The following LCT variants were observed in gnomAD, a reference collection of about 807,000 sequenced individuals.
LCT encodes lactase/phlorizin hydrolase.
A neutral mutation model predicts 173.0 loss-of-function variants in LCT; 90 were observed. The ratio of observed to expected loss-of-function variants is 0.52; its 90% CI spans 0.44 to 0.62. LCT has a LOEUF of 0.62. Ranked by LOEUF, LCT falls within the 20% of genes least tolerant of loss-of-function variation. The pLI is 0.00. For missense variants in LCT, 1,864 were observed against 2,431.4 expected, an observed-to-expected ratio of 0.77 and a Z score of 4.91; for synonymous variants, 853 against 957.6, an observed-to-expected ratio of 0.89 and a Z score of 2.02.
intron 6 of LCT, 66 bp from the exon 7 acceptor site, chr2:135,813,022 T>G: frequency 7.1e-7 from 1 of 1,404,354 alleles, no homozygotes; most frequent in Non-Finnish European, 1.0e-6. Context: ...ACAGGACTAA[T>G]GAACCAATAA....
At chr2:135,796,778 T>C (rs914680526) in intron 13 of LCT, among the ~76,000 whole-genome samples, 1 of 152,110 alleles carries the variant, frequency 6.6e-6, no homozygotes, top group Non-Finnish European at 1.5e-5. Context: ...CCCCTGGCCC[T>C]GGCTCGGGCA....
Position 135,794,697 on chromosome 2 carries a change from A to G in LCT, c.5055T>C (p.Thr1685=), listed in dbSNP as rs1476518368. The G allele has an allele frequency of 3.1e-6, 5 of 1,614,152 alleles. No individual in the cohort carries two copies. The highest frequency in any genetic ancestry group is 1.1e-5 in the South Asian group (1 of 91,088). Residue 1685 remains threonine, a synonymous_variant, in exon 14 of 17, where the codon ACT becomes ACC. Transcript: ENST00000264162. ...CATAGTTGAGGTTGTAGGCGAGGAC[A>G]GTGGTGTAGTGATTGAACCCAAAAA... ...YDFFGFNHYT[T]VLAYNLNYAT... is the part of the protein sequence containing the mutation.
chr2:135,832,004 G>A (rs1235729690), intron 2 of LCT, among the ~76,000 whole-genome samples: 12 of 152,108 alleles, frequency 7.9e-5, no homozygotes, highest in Non-Finnish European at 2.9e-5. Context: ...ATTACCTGAG[G>A]TCAGGAGTTT....
chr2:135,791,405 AG>A (rs1182718706), intron 14 of LCT, among the ~76,000 whole-genome samples: 1 of 152,192 alleles, frequency 6.6e-6, no homozygotes, highest in African/African-American at 2.4e-5. Flanking sequence ...AGTGTCCAAG[AG>A]CCTGGCCTCT....
At chr2:135,795,116 G>C (rs1256833403) in intron 13 of LCT, among the ~76,000 whole-genome samples, 1 of 152,052 alleles carries the variant, frequency 6.6e-6, no homozygotes, top group Non-Finnish European at 1.5e-5. Context: ...TGCAAATTCT[G>C]ATATTTAGCA....
chr2:135,812,278 C>T (rs12988076), intron 7 of LCT, 33 bp downstream of exon 7: 1 of 1,580,804 alleles, frequency 6.3e-7, no homozygotes, highest in East Asian at 2.2e-5. Context: ...GTACCACCCA[C>T]CTTCCAATCA....
intron 11 of LCT, among the ~76,000 whole-genome samples, chr2:135,803,343 GA>G (rs202239965): frequency 6.6e-6 from 1 of 151,844 alleles, no homozygotes; most frequent in East Asian, 1.9e-4. Context: ...AAAGTTAAAA[GA>G]AAAAAAATCT....
intron 2 of LCT, among the ~76,000 whole-genome samples, chr2:135,832,055 A>G (rs1314159503): frequency 6.6e-6 from 1 of 151,946 alleles, no homozygotes; most frequent in Non-Finnish European, 1.5e-5. Flanking sequence ...CATCTCTACT[A>G]AAAATACAAA....
At chr2:135,817,234 G>A in intron 6 of LCT, 107 bp downstream of exon 6, 2 of 1,351,364 alleles carry the variant, frequency 1.5e-6, no homozygotes, top group South Asian at 1.4e-5. Flanking sequence ...TTTAAAGAAA[G>A]AACAAAAAGT....
intron 4 of LCT, chr2:135,822,517 A>G (rs1553434692): frequency 2.4e-5 from 5 of 208,530 alleles, no homozygotes; most frequent in Admixed American, 5.3e-5. Context: ...AAGGGGTGGA[A>G]TATTTTTAAA....
intron 11 of LCT, among the ~76,000 whole-genome samples, chr2:135,801,593 T>C (rs1181635543): frequency 6.6e-6 from 1 of 150,780 alleles, no homozygotes; most frequent in African/African-American, 2.4e-5. Context: ...CAGGCGCCTG[T>C]AATCCCAGCT....
rs774168782 is a variant in LCT at position 135,836,738 on chromosome 2, G to A, written c.432C>T (p.Thr144=). 1.2e-5 allele frequency: 20 copies of A among 1,614,044 alleles called. No homozygotes were observed. In the South Asian group the frequency reaches 1.9e-4, roughly 15 times the overall value. ...CGGCGAAGAGGTCAGCAAAGGCTTC[G>A]GTTCTCCGGAGGGTGCTGGCAGGGA... ...QTLPASTLRR[T]EAFADLFADY... Residue 144 remains threonine, a synonymous_variant, in exon 1 of 17, where the codon ACC becomes ACT. Coordinates refer to ENST00000264162, the MANE Select transcript of LCT (RefSeq NM_002299.4).
At chr2:135,825,753 C>G (rs1174152856) in intron 3 of LCT, among the ~76,000 whole-genome samples, 1 of 152,182 alleles carries the variant, frequency 6.6e-6, no homozygotes, top group Non-Finnish European at 1.5e-5. Context: ...GAGGGCTGTG[C>G]AGGTGCTCCG....
At chr2:135,800,910 G>T in intron 11 of LCT, 101 bp from the exon 12 acceptor site, 1 of 916,826 alleles carries the variant, frequency 1.1e-6, no homozygotes, top group East Asian at 2.5e-5. Flanking sequence ...TTTGGGAGAA[G>T]GGGTGTAGAT....
rs1383720794 is a variant in LCT at position 135,790,729 on chromosome 2, C to T, written c.5264G>A (p.Arg1755Gln). 6 of 1,613,636 alleles carry T rather than the reference C, an allele frequency of 3.7e-6. No individual in the cohort carries two copies. The highest frequency in any genetic ancestry group is 1.7e-5 in the Admixed American group (1 of 59,998). The change falls in exon 15 of 17, where the codon CGG (arginine) becomes CAG (glutamine). Residue 1755 changes from arginine to glutamine, a missense_variant. Transcript: ENST00000264162. The surrounding 1 kb of genome is among the most constrained non-coding windows in gnomAD (Gnocchi z 4.1). ...AGTGTCATTGAGGTCTGTTTCTTCC[C>T]GCTGGGACACTCCATTCTCTGTGAC... ...IYVTENGVSQREETDLNDTAR... is the reference protein window; with the variant it reads ...IYVTENGVSQQEETDLNDTAR...
chr2:135,797,122 A>G (rs2077588088), intron 13 of LCT, among the ~76,000 whole-genome samples: 1 of 151,420 alleles, frequency 6.6e-6, no homozygotes. Flanking sequence ...TAATTTTTGT[A>G]TTTTTAGTAG....
At chr2:135,792,121 G>C (rs571201458) in intron 14 of LCT, among the ~76,000 whole-genome samples, 1 of 152,204 alleles carries the variant, frequency 6.6e-6, no homozygotes, top group Non-Finnish European at 1.5e-5. Flanking sequence ...CCTCTCTGGG[G>C]ACCTGAACAT....
chr2:135,828,408 G>A (rs1213090443), intron 3 of LCT, among the ~76,000 whole-genome samples: 2 of 152,208 alleles, frequency 1.3e-5, no homozygotes, highest in Non-Finnish European at 2.9e-5. Flanking sequence ...ACAGGTGAGT[G>A]TAGGGGGCTG....
chr2:135,798,251 C>T (rs1384480617), intron 12 of LCT, 113 bp from the exon 13 acceptor site: 1 of 741,626 alleles, frequency 1.3e-6, no homozygotes, highest in Non-Finnish European at 2.5e-6. Flanking sequence ...TTTCCTGGAC[C>T]CCCAGGTTAA....
Sources: gnomAD v4.1 joint callset for allele counts (sites outside exome capture counted in the v4.1 genomes callset) on GRCh38, gnomAD v4.1.1 for gene constraint, Gnocchi (gnomAD v3.1) non-coding constraint, MANE v1.5 for transcripts, NCBI Gene and HGNC (gene_info 2026-07-23, HGNC 2026-07-21) for gene names.